The following FRAS1 variants were observed in gnomAD, a reference collection of about 807,000 sequenced individuals.
FRAS1 encodes Fraser extracellular matrix complex subunit 1, also known as extracellular matrix organizing protein FRAS1.
In FRAS1, 290 loss-of-function variants were observed where a neutral mutation model predicts 435.2. The ratio of observed to expected loss-of-function variants is 0.67; its 90% CI spans 0.61 to 0.73. FRAS1 has a LOEUF of 0.73. Among genes scored for constraint, FRAS1 ranks in the 30% least tolerant of loss-of-function variants. The pLI is 0.00. For synonymous variants in FRAS1, 1,800 were observed against 1,851.0 expected (o/e 0.97, Z 0.71); for missense variants, 4,860 against 5,001.5 (o/e 0.97, Z 0.85).
At chr4:78,323,073 C>T (rs1404014917) in intron 18 of FRAS1, among the ~76,000 whole-genome samples, 1 of 152,078 alleles carries the variant, frequency 6.6e-6, no homozygotes, top group South Asian at 2.1e-4. Flanking sequence ...GGTAATATGG[C>T]GATGGCCACT....
Position 78,540,713 on chromosome 4 carries a change from A to G in FRAS1, c.11628A>G (p.Gln3876=). The G allele has an allele frequency of 6.2e-7, 1 of 1,613,842 alleles. No homozygotes were observed. The highest frequency in any genetic ancestry group is 8.5e-7 in the Non-Finnish European group (1 of 1,179,806). ...DSLIYDNEGD[Q]VKNGTNMKSL... ...TCATCTATGACAATGAAGGAGACCAAGTCAAGAATGGCACCAATATGAAGT... is the reference window on the plus strand; with the variant it reads ...TCATCTATGACAATGAAGGAGACCAGGTCAAGAATGGCACCAATATGAAGT... Residue 3876 remains glutamine, a synonymous_variant, in exon 74 of 74, where the codon CAA becomes CAG. Transcript: ENST00000512123.
intron 20 of FRAS1, among the ~76,000 whole-genome samples, chr4:78,347,525 G>A (rs417796): frequency 0.066 from 10,050 of 152,130 alleles, 607 homozygotes; most frequent in African/African-American, 0.17. Context: ...CTTGGTTTCT[G>A]AGTGAACGTC....
chr4:78,385,824 G>A (rs1362310977), intron 28 of FRAS1, among the ~76,000 whole-genome samples: 2 of 151,550 alleles, frequency 1.3e-5, no homozygotes, highest in African/African-American at 4.9e-5. Flanking sequence ...GGCAGAGGTT[G>A]CAGTGAGCTG....
intron 61 of FRAS1, 106 bp from the exon 62 acceptor site, chr4:78,507,311 AAAAG>A (rs1720873837): frequency 1.0e-6 from 1 of 986,314 alleles, no homozygotes; most frequent in Admixed American, 3.2e-5. Flanking sequence ...AACACCACTA[AAAAG>A]AAAGAACATA....
At chr4:78,169,180 TTCA>T (rs1721453670) in intron 2 of FRAS1, among the ~76,000 whole-genome samples, 1 of 152,114 alleles carries the variant, frequency 6.6e-6, no homozygotes, top group Non-Finnish European at 1.5e-5. Flanking sequence ...CCATCATGCA[TTCA>T]TCATATTTGC....
chr4:78,506,658 C>T (rs960937255), intron 61 of FRAS1, among the ~76,000 whole-genome samples: 7 of 152,172 alleles, frequency 4.6e-5, no homozygotes, highest in Admixed American at 3.9e-4. Flanking sequence ...CAGTCTGTCA[C>T]GGCTTCCCTT....
At chr4:78,081,869 C>T (rs1424999218) in intron 2 of FRAS1, among the ~76,000 whole-genome samples, 2 of 152,044 alleles carry the variant, frequency 1.3e-5, no homozygotes, top group African/African-American at 4.8e-5. Flanking sequence ...TTTTGGCATT[C>T]TCCTTCCTTA....
intron 54 of FRAS1, among the ~76,000 whole-genome samples, chr4:78,476,313 A>G (rs1321738505): frequency 6.6e-6 from 1 of 152,200 alleles, no homozygotes; most frequent in Non-Finnish European, 1.5e-5. Flanking sequence ...CAAGTCATCT[A>G]CATACCAGTG....
intron 19 of FRAS1, among the ~76,000 whole-genome samples, chr4:78,334,082 C>T (rs1025230702): frequency 3.9e-5 from 6 of 152,186 alleles, no homozygotes; most frequent in Non-Finnish European, 8.8e-5. Context: ...AGCTACTGTA[C>T]CCAGCCTGTG....
At chr4:78,533,474 G>A (rs1721785848) in intron 70 of FRAS1, among the ~76,000 whole-genome samples, 3 of 152,208 alleles carry the variant, frequency 2.0e-5, no homozygotes, top group Admixed American at 2.0e-4. Flanking sequence ...ATAGGCAGAG[G>A]CCAGAGCTTT....
At chr4:78,452,741 A>G (rs1422675232) in intron 47 of FRAS1, among the ~76,000 whole-genome samples, 1 of 152,224 alleles carries the variant, frequency 6.6e-6, no homozygotes, top group East Asian at 1.9e-4. Context: ...AAGTGTACTG[A>G]GCAAGATTCT....
Position 78,477,955 on chromosome 4 carries a change from G to C in FRAS1, c.7992G>C (p.Lys2664Asn). 1 of 1,613,466 alleles carries C rather than the reference G, an allele frequency of 6.2e-7. No individual in the cohort carries two copies. Among genetic ancestry groups the C allele is most frequent in the Non-Finnish European group, 8.5e-7 (1 of 1,179,724 alleles). Residue 2664 changes from lysine to asparagine, a missense_variant, in exon 55 of 74, where the codon AAG becomes AAC. By Grantham distance (94) the Lys-to-Asn change is moderately conservative. Coordinates refer to ENST00000512123, the MANE Select transcript of FRAS1 (RefSeq NM_025074.7). Reference protein sequence around the residue: ...YALLGEFTQAKVIINDTEDEP... With the variant: ...YALLGEFTQANVIINDTEDEP... ...TGTTAGGGGAATTCACCCAGGCGAA[G>C]GTCATTATCAACGATACCGAGGATG...
Position 78,363,627 on chromosome 4 carries a change from GC to G in FRAS1, c.2540del (p.Pro847LeufsTer123). The G allele has an allele frequency of 6.2e-7, 1 of 1,603,138 alleles. No homozygotes were observed. Among genetic ancestry groups the G allele is most frequent in the Non-Finnish European group, 8.5e-7 (1 of 1,174,940 alleles). On this transcript the variant is annotated frameshift_variant, in exon 21 of 74. Coordinates refer to ENST00000512123, the MANE Select transcript of FRAS1 (RefSeq NM_025074.7). LOFTEE classifies it high-confidence loss of function. Reference sequence around the variant, plus strand: ...CTCGGGGACCACTGTGTTCCTGACTGCCCTTCAGGATACTATGCAGAGAGAG... The same window carrying G: ...CTCGGGGACCACTGTGTTCCTGACTGCCTTCAGGATACTATGCAGAGAGAG... ...LLLGDHCVPD[C>X]PSGYYAERGA...
chr4:78,059,091 C>T (rs1230289118), intron 1 of FRAS1, among the ~76,000 whole-genome samples: 1 of 152,202 alleles, frequency 6.6e-6, no homozygotes, highest in Non-Finnish European at 1.5e-5. Flanking sequence ...ACCTGCCCAG[C>T]CGCAAACCAG....
chr4:78,463,467 G>A (rs1368742189), intron 47 of FRAS1, among the ~76,000 whole-genome samples: 3 of 152,174 alleles, frequency 2.0e-5, no homozygotes, highest in African/African-American at 7.2e-5. Context: ...AGTGGGATGG[G>A]AGAAGCTAGA....
intron 2 of FRAS1, among the ~76,000 whole-genome samples, chr4:78,115,586 A>C (rs1215137248): frequency 6.6e-6 from 1 of 152,088 alleles, no homozygotes; most frequent in South Asian, 2.1e-4. Flanking sequence ...GAATTTATCC[A>C]TTTCTTCTAG....
chr4:78,465,094 C>T (rs559992136), intron 49 of FRAS1, among the ~76,000 whole-genome samples: 121 of 152,292 alleles, frequency 7.9e-4, no homozygotes, highest in South Asian at 1.9e-3. Context: ...CAGATTAAAG[C>T]ATCTCACATT....
chr4:78,171,762 C>CT (rs1721571827), intron 2 of FRAS1, among the ~76,000 whole-genome samples: 1 of 152,164 alleles, frequency 6.6e-6, no homozygotes, highest in Non-Finnish European at 1.5e-5. Flanking sequence ...CAGCACATCG[C>CT]TGTAGCCTTT....
At chr4:78,391,888 G>A (rs1220280624) in intron 29 of FRAS1, among the ~76,000 whole-genome samples, 1 of 152,142 alleles carries the variant, frequency 6.6e-6, no homozygotes, top group African/African-American at 2.4e-5. Context: ...TGACATTTAT[G>A]AGAGTTACAA....
Sources: allele counts gnomAD v4.1 joint callset (sites outside exome capture counted in the v4.1 genomes callset), GRCh38; gene constraint gnomAD v4.1.1; transcripts MANE v1.5; gene names NCBI Gene and HGNC (gene_info 2026-07-23, HGNC 2026-07-21).